BRAP: variants seen among roughly 807,000 people sequenced by gnomAD.
BRAP encodes BRCA1-associated protein.
Under a neutral mutation model 73.4 loss-of-function variants are expected in BRAP, and 42 were observed. That is an observed-to-expected ratio of 0.57 (90% confidence interval 0.45 to 0.74). BRAP has a LOEUF of 0.74. Among genes scored for constraint, BRAP ranks in the 30% least tolerant of loss-of-function variants. BRAP has a pLI of 0.00. For synonymous variants in BRAP, 255 were observed against 267.4 expected (o/e 0.95, Z 0.45); for missense variants, 593 against 751.4 (o/e 0.79, Z 2.46).
In BRAP at chr12:111,658,767, TG is replaced by T; in HGVS notation, c.1189del (p.Gln397ArgfsTer5). 1 of 1,610,984 alleles carries T rather than the reference TG, an allele frequency of 6.2e-7. No individual in the cohort carries two copies. Among genetic ancestry groups the T allele is most frequent in the Non-Finnish European group, 8.5e-7 (1 of 1,177,274 alleles). The stretch of plus-strand genomic sequence containing the variant: ...CTGTAAGGCATCTATTTTCTCTTCC[TG>T]GCAAGTATCCCCCTCACATTCATAC... ...VQYECEGDTC[Q>X]EEKIDALQLE... On this transcript the variant is annotated frameshift_variant, in exon 9 of 12. Transcript: ENST00000419234. LOFTEE classifies it high-confidence loss of function.
At position 111,658,791 on chromosome 12, in the gene BRAP, T is replaced by G; in HGVS notation, c.1166A>C (p.Tyr389Ser). 6.2e-7 allele frequency: 1 copy of G among 1,613,076 alleles called. No homozygotes were observed. Among genetic ancestry groups the G allele is most frequent in the Non-Finnish European group, 8.5e-7 (1 of 1,179,150 alleles). ...CTGGCAAGTATCCCCCTCACATTCATACTGTACTATTTTTCCATCTGTTTT... is the reference window on the plus strand; with the variant it reads ...CTGGCAAGTATCCCCCTCACATTCAGACTGTACTATTTTTCCATCTGTTTT... Reference protein sequence around the residue: ...ASKTDGKIVQYECEGDTCQEE... With the variant: ...ASKTDGKIVQSECEGDTCQEE... The change falls in exon 9 of 12, where the codon TAT becomes TCT. Residue 389 changes from tyrosine (Y) to serine (S), a missense_variant. Tyr to Ser is a moderately radical substitution (Grantham distance 144). Coordinates refer to ENST00000419234, the MANE Select transcript of BRAP (RefSeq NM_006768.5).
Position 111,659,349 on chromosome 12 carries a change from C to T in BRAP, c.973-4G>A. The T allele has an allele frequency of 1.2e-6, 2 of 1,610,718 alleles. No homozygotes were observed. The highest frequency in any genetic ancestry group is 8.5e-7 in the Non-Finnish European group (1 of 1,178,016). Reference sequence around the variant, plus strand: ...ATATTAAACAAATCCAAAGATTCTGCCGGAAGAGGTAAGATCTTAATTAGT... The same window carrying T: ...ATATTAAACAAATCCAAAGATTCTGTCGGAAGAGGTAAGATCTTAATTAGT... On this transcript the variant is annotated splice_polypyrimidine_tract_variant and splice_region_variant and intron_variant, in intron 7 of 11. Coordinates refer to ENST00000419234, the MANE Select transcript of BRAP (RefSeq NM_006768.5).
intron 4 of BRAP, among the ~76,000 whole-genome samples, chr12:111,674,077 C>T (rs1022714051): frequency 6.6e-6 from 1 of 152,324 alleles, no homozygotes; most frequent in South Asian, 2.1e-4. Context: ...ACAGGAAATG[C>T]AGCATCGTCA....
intron 6 of BRAP, among the ~76,000 whole-genome samples, chr12:111,661,967 C>A (rs1185219445): frequency 6.6e-6 from 1 of 152,164 alleles, no homozygotes; most frequent in Admixed American, 6.5e-5. Context: ...AGCCACCGCA[C>A]CTGGCTAAAC....
At chr12:111,649,284 C>G (rs928151581) in intron 11 of BRAP, among the ~76,000 whole-genome samples, 15 of 152,140 alleles carry the variant, frequency 9.9e-5, no homozygotes, top group Non-Finnish European at 2.2e-4. Flanking sequence ...TCCTGAATAG[C>G]AGGGACTACA....
At chr12:111,676,964 A>T (rs2135926724) in intron 4 of BRAP, among the ~76,000 whole-genome samples, 1 of 152,308 alleles carries the variant, frequency 6.6e-6, no homozygotes, top group East Asian at 1.9e-4. Flanking sequence ...TCATGATACC[A>T]AGATAAAGGG....
At chr12:111,680,629 T>C (rs1592999497) in intron 3 of BRAP, among the ~76,000 whole-genome samples, 1 of 150,376 alleles carries the variant, frequency 6.6e-6, no homozygotes, top group African/African-American at 2.4e-5. Flanking sequence ...GGAGGGGAGG[T>C]TGCAGTGAGC....
At position 111,644,579 on chromosome 12, in the gene BRAP, G is replaced by A; in HGVS notation, c.1416-17C>T. On this transcript the variant is annotated splice_polypyrimidine_tract_variant and intron_variant, in intron 11 of 11. Transcript: ENST00000419234. ...TGAGTGCACCTTTTGAAAAACAAAGGAAGACAAAAGCACATTTTTCATTTG... is the reference window on the plus strand; with the variant it reads ...TGAGTGCACCTTTTGAAAAACAAAGAAAGACAAAAGCACATTTTTCATTTG... The A allele has an allele frequency of 3.7e-6, 6 of 1,607,348 alleles. No homozygotes were observed. The highest frequency in any genetic ancestry group is 1.3e-5 in the African/African-American group (1 of 74,798).
chr12:111,662,511 T>C (rs1240203098), intron 6 of BRAP, among the ~76,000 whole-genome samples: 4 of 151,596 alleles, frequency 2.6e-5, no homozygotes, highest in Non-Finnish European at 4.4e-5. Context: ...GATTGCGCCA[T>C]TGCACTCCAG....
intron 4 of BRAP, among the ~76,000 whole-genome samples, chr12:111,675,712 T>C (rs948934932): frequency 1.3e-5 from 2 of 152,032 alleles, no homozygotes; most frequent in Admixed American, 6.6e-5. Flanking sequence ...TTGGTTTTAT[T>C]GTTCTCTTCT....
intron 4 of BRAP, among the ~76,000 whole-genome samples, chr12:111,675,716 C>T (rs1190865467): frequency 2.6e-5 from 4 of 151,798 alleles, no homozygotes; most frequent in Non-Finnish European, 4.4e-5. Context: ...TTTTATTGTT[C>T]TCTTCTGAGG....
Position 111,679,276 on chromosome 12 carries a change from C to T in BRAP, c.508G>A (p.Ala170Thr), listed in dbSNP as rs1243473228. The T allele has an allele frequency of 6.2e-7, 1 of 1,609,766 alleles. No homozygotes were observed. The highest frequency in any genetic ancestry group is 1.7e-5 in the Admixed American group (1 of 59,592). The part of the protein sequence containing the change: ...SAMLCILTVP[A>T]AMTSHDLMKF... ...ATAAGGTCATGACTGGTCATTGCAG[C>T]AGGGACTGTGAGAATACACAGCATG... is the stretch of plus-strand genomic sequence containing the variant. Residue 170 changes from alanine to threonine, a missense_variant, in exon 4 of 12, where the codon GCT (alanine) becomes ACT (threonine). This residue lies in a region of BRAP where 304 missense variants were observed against 337.7 expected (regional missense o/e 0.90). Transcript: ENST00000419234.
chr12:111,649,875 T>C lies in BRAP; in HGVS notation c.1415+64A>G, dbSNP rs185040219. 6.7e-4 allele frequency: 788 copies of C among 1,169,896 alleles called. 3 individuals carry two copies. Among genetic ancestry groups the C allele is most frequent in the Non-Finnish European group, 8.9e-4 (724 of 810,852 alleles). The allele number at this position is 1,169,896 out of a possible 1,614,324, so 72.5% of individuals were successfully genotyped here. A position where few individuals can be genotyped will look rare whatever the true frequency, so the allele number is the denominator to read the frequency against. ...ATATTTGAAAATGAGGGTGTTTCCA[T>C]AGGAATGAAAGAAACTGTCTGTTTA... On this transcript the variant is annotated intron_variant, in intron 11 of 11. Transcript: ENST00000419234.
rs552583563 is a variant in BRAP at position 111,652,683 on chromosome 12, C to T, written c.1312-2641G>A. ...CTTGAGCCCAGGAGTTGGAGATCAG[C>T]CTGGGCAACATAGTAAGATTCCCCC... On this transcript the variant is annotated intron_variant, in intron 10 of 11. Transcript: ENST00000419234. 5.9e-5 allele frequency among the ~76,000 whole-genome samples: 9 copies of T among 152,158 alleles called. No homozygotes were observed. The South Asian group carries it at 1.7e-3, about 28-fold the overall frequency.
At chr12:111,646,327 A>T (rs917542949) in intron 11 of BRAP, among the ~76,000 whole-genome samples, 2 of 151,964 alleles carry the variant, frequency 1.3e-5, no homozygotes, top group African/African-American at 4.8e-5. Flanking sequence ...ACACACAAAA[A>T]CCACGAACAA....
At position 111,685,738 on chromosome 12, in the gene BRAP, G is replaced by T. The variant is rs770694303; in HGVS notation, c.55C>A (p.Pro19Thr). The part of the protein sequence containing the change: ...RLELAEHSPV[P>T]AGFGFSAAAG... ...GCGGCGCTGAAGCCGAAGCCGGCGG[G>T]GACAGGCGAGTGTTCCGCGAGCTCC... The change falls in exon 1 of 12, where the codon CCC becomes ACC. Residue 19 changes from proline to threonine, a missense_variant. By Grantham distance (38) the Pro-to-Thr change is conservative (BLOSUM62 -1). Transcript: ENST00000419234. The T allele has an allele frequency of 1.2e-6, 2 of 1,609,754 alleles. No individual in the cohort carries two copies. Among genetic ancestry groups the T allele is most frequent in the Admixed American group, 3.3e-5 (2 of 59,712 alleles).
chr12:111,660,078 AAAAAAG>A (rs984767173), intron 7 of BRAP, among the ~76,000 whole-genome samples: 3 of 151,964 alleles, frequency 2.0e-5, no homozygotes, highest in African/African-American at 7.2e-5. Context: ...TGTCTCAAAA[AAAAAAG>A]AAAAAGAAAA....
At position 111,644,144 on chromosome 12, in the gene BRAP, C is replaced by A; in HGVS notation, c.*55G>T. The A allele has an allele frequency of 6.4e-7, 1 of 1,560,210 alleles. No homozygotes were observed. Among genetic ancestry groups the A allele is most frequent in the South Asian group, 1.2e-5 (1 of 84,502 alleles). On this transcript the variant is annotated 3_prime_UTR_variant, in exon 12 of 12. Transcript: ENST00000419234. ...CCTCACATTTAGCTGAAGGTCCCAG[C>A]ACACTCTCACAGTGTCAGGGAGAAC...
intron 7 of BRAP, 47 bp downstream of exon 7, chr12:111,660,532 CCAGGCAGAAGAAAACTCATGA>C (rs1886706637): frequency 3.7e-6 from 5 of 1,343,354 alleles, no homozygotes; most frequent in Non-Finnish European, 5.1e-6. Flanking sequence ...TTAAGTCATA[CCAGGCAGAAGAAAACTCATGA>C]CAATTAAAGC....
Sources: allele counts gnomAD v4.1 joint callset (sites outside exome capture counted in the v4.1 genomes callset), GRCh38; gene constraint gnomAD v4.1.1; regional missense constraint gnomAD v4.1.1; transcripts MANE v1.5; gene names NCBI Gene and HGNC (gene_info 2026-07-23, HGNC 2026-07-21).